Variants in GPC5 observed in about 807,000 individuals in gnomAD.
GPC5 encodes glypican 5.
In GPC5, 47 loss-of-function variants were observed where a neutral mutation model predicts 53.9. The ratio of observed to expected loss-of-function variants is 0.87; its 90% confidence interval spans 0.69 to 1.11. GPC5 has a LOEUF of 1.11. Among genes scored for constraint, GPC5 ranks in the 50% most tolerant of loss-of-function variants. GPC5 has a pLI of 0.00. For missense variants in GPC5, 748 were observed against 713.1 expected (o/e 1.05, Z -0.56); for synonymous variants, 286 against 263.3 (o/e 1.09, Z -0.84).
chr13:91,398,751 C>A lies in GPC5; in HGVS notation c.-296C>A. The stretch of plus-strand genomic sequence containing the variant: ...GGTGGCCAGAGCGGATGCTTGCGGG[C>A]TCCCTGCGGCTCCACTAGTTTTCTT... On this transcript the variant is annotated 5_prime_UTR_variant, in exon 1 of 8. Transcript: ENST00000377067. 2.8e-6 allele frequency: 1 copy of A among 362,780 alleles called. No individual in the cohort carries two copies. Among genetic ancestry groups the A allele is most frequent in the Non-Finnish European group, 5.0e-6 (1 of 201,752 alleles). 22.5% of individuals were successfully genotyped at this position (362,780 alleles called of 1,614,324 possible). A position where few individuals can be genotyped will look rare whatever the true frequency, so the allele number is the denominator to read the frequency against.
chr13:92,166,921 G>GTCTCTCTCTCTC (rs35310453), intron 7 of GPC5, among the ~76,000 whole-genome samples: 52 of 128,450 alleles, frequency 4.0e-4, no homozygotes, highest in African/African-American at 1.3e-3. Context: ...ATAAGTCTCA[G>GTCTCTCTCTCTC]TCTCTCTCTC....
chr13:92,701,606 A>G (rs115983569), intron 7 of GPC5: 7 of 152,250 alleles, frequency 4.6e-5, no homozygotes, highest in Admixed American at 3.9e-4. Flanking sequence ...ATGATTAGAC[A>G]TAAGAGCTAT....
At chr13:91,732,489 G>C (rs2036722351) in intron 4 of GPC5, among the ~76,000 whole-genome samples, 1 of 151,866 alleles carries the variant, frequency 6.6e-6, no homozygotes, top group South Asian at 2.1e-4. Flanking sequence ...TCACTTTGAT[G>C]ATAGTTTCTT....
chr13:92,396,998 T>C (rs1265282259), intron 7 of GPC5, among the ~76,000 whole-genome samples: 1 of 152,220 alleles, frequency 6.6e-6, no homozygotes, highest in Non-Finnish European at 1.5e-5. Context: ...TTTCCCTCCA[T>C]GTGCTAATGC....
chr13:92,721,193 T>TA lies in GPC5; in HGVS notation c.1562-145088dup, dbSNP rs150049193. ...AGGGAAGATGACCACAAGCTAGTCT[T>TA]ACAGTATCTATATGATGTCCCAGAA... On this transcript the variant is annotated intron_variant, in intron 7 of 7. Coordinates refer to ENST00000377067, the MANE Select transcript of GPC5 (RefSeq NM_004466.6). Among the ~76,000 whole-genome samples the TA allele has an allele frequency of 7.4e-3, 1,123 of 152,106 alleles. 16 individuals are homozygous for TA. The highest frequency in any genetic ancestry group is 0.026 in the African/African-American group (1,088 of 41,526).
At chr13:91,493,254 G>T (rs1229361583) in intron 2 of GPC5, among the ~76,000 whole-genome samples, 1 of 152,172 alleles carries the variant, frequency 6.6e-6, no homozygotes, top group Non-Finnish European at 1.5e-5. Flanking sequence ...TTGGGTACAT[G>T]AAATATTTTG....
intron 6 of GPC5, among the ~76,000 whole-genome samples, chr13:92,049,595 TACA>T (rs2041010715): frequency 6.6e-6 from 1 of 152,152 alleles, no homozygotes; most frequent in South Asian, 2.1e-4. Flanking sequence ...ATTGTTCCTT[TACA>T]ATAGGCAGGG....
chr13:92,380,764 G>C (rs928491484), intron 7 of GPC5, among the ~76,000 whole-genome samples: 1 of 124,046 alleles, frequency 8.1e-6, no homozygotes, highest in African/African-American at 3.0e-5. Flanking sequence ...GTTGTGGGGT[G>C]GGGGGAGGGG....
intron 7 of GPC5, among the ~76,000 whole-genome samples, chr13:92,842,731 C>G (rs1878473347): frequency 6.6e-6 from 1 of 151,268 alleles, no homozygotes; most frequent in East Asian, 1.9e-4. Flanking sequence ...ACAAGAGAGC[C>G]AGGACTAAAA....
intron 6 of GPC5, among the ~76,000 whole-genome samples, chr13:92,125,375 ATAAT>A (rs562893869): frequency 7.7e-4 from 118 of 152,314 alleles, no homozygotes; most frequent in Admixed American, 2.9e-3. Flanking sequence ...ATATAAATAA[ATAAT>A]AAAGATGGTT....
chr13:92,760,093 T>C (rs1267844046), intron 7 of GPC5, among the ~76,000 whole-genome samples: 2 of 152,134 alleles, frequency 1.3e-5, no homozygotes, highest in African/African-American at 2.4e-5. Flanking sequence ...ATCTTTTTTA[T>C]TGAGAATTTT....
intron 7 of GPC5, among the ~76,000 whole-genome samples, chr13:92,864,796 C>G (rs1198130904): frequency 6.6e-6 from 1 of 152,148 alleles, no homozygotes; most frequent in African/African-American, 2.4e-5. Context: ...TATGTCAGAT[C>G]AGCAGAGCTT....
At chr13:91,819,702 T>G (rs2038460188) in intron 5 of GPC5, among the ~76,000 whole-genome samples, 1 of 152,214 alleles carries the variant, frequency 6.6e-6, no homozygotes, top group South Asian at 2.1e-4. Context: ...AGAATAACAT[T>G]ACTTAGAGCT....
At chr13:92,157,481 T>C (rs999447284) in intron 7 of GPC5, among the ~76,000 whole-genome samples, 1 of 152,164 alleles carries the variant, frequency 6.6e-6, no homozygotes, top group Non-Finnish European at 1.5e-5. Flanking sequence ...TCTGTCTTGA[T>C]GACTACATCT....
chr13:91,438,381 T>A (rs1161037473), intron 1 of GPC5, among the ~76,000 whole-genome samples: 5 of 152,208 alleles, frequency 3.3e-5, no homozygotes, highest in Non-Finnish European at 7.3e-5. Flanking sequence ...CTTCTAACAG[T>A]CAGGACCCTC....
intron 7 of GPC5, among the ~76,000 whole-genome samples, chr13:92,734,031 C>T (rs1350858944): frequency 6.6e-6 from 1 of 151,764 alleles, no homozygotes; most frequent in Non-Finnish European, 1.5e-5. Context: ...ATCTGCTGAA[C>T]TAATTGCTTT....
At chr13:92,577,877 G>A (rs569148476) in intron 7 of GPC5, among the ~76,000 whole-genome samples, 4 of 152,192 alleles carry the variant, frequency 2.6e-5, no homozygotes, top group Non-Finnish European at 4.4e-5. Context: ...TAAAAAATAG[G>A]CAATAAAGAA....
chr13:92,761,722 T>TATTG (rs1875183310), intron 7 of GPC5, among the ~76,000 whole-genome samples: 1 of 152,168 alleles, frequency 6.6e-6, no homozygotes, highest in Non-Finnish European at 1.5e-5. Flanking sequence ...TTAAAGTAAT[T>TATTG]ATTGATAGAT....
chr13:92,739,231 T>A (rs899364614), intron 7 of GPC5, among the ~76,000 whole-genome samples: 8 of 152,120 alleles, frequency 5.3e-5, no homozygotes, highest in African/African-American at 1.9e-4. Flanking sequence ...GAGTATTCAT[T>A]GTCCATTTTA....
Sources: gnomAD v4.1 joint callset for allele counts (sites outside exome capture counted in the v4.1 genomes callset) on GRCh38, gnomAD v4.1.1 for gene constraint, MANE v1.5 for transcripts, NCBI Gene and HGNC (gene_info 2026-07-23, HGNC 2026-07-21) for gene names.